The following NAT2 variants were observed in gnomAD, a reference collection of about 807,000 sequenced individuals.
NAT2 encodes the protein N-acetyltransferase 2.
For missense variants in NAT2, 428 were observed against 339.1 expected, an observed-to-expected ratio of 1.26 and a Z score of -2.06; for synonymous variants, 137 against 125.9, an observed-to-expected ratio of 1.09 and a Z score of -0.59.
At chr8:18,392,529 C>T (rs1800608247) in intron 1 of NAT2, among the ~76,000 whole-genome samples, 1 of 152,196 alleles carries the variant, frequency 6.6e-6, no homozygotes, top group African/African-American at 2.4e-5. Flanking sequence ...TTCATTCTGG[C>T]TGTGCTGGCA....
chr8:18,393,897 C>T (rs998824691), intron 1 of NAT2, among the ~76,000 whole-genome samples: 1 of 152,124 alleles, frequency 6.6e-6, no homozygotes, highest in African/African-American at 2.4e-5. Context: ...GTTTTTGAAA[C>T]ATAGTATTTC....
At position 18,400,982 on chromosome 8, in the gene NAT2, T is replaced by C. The variant is rs2117624252; in HGVS notation, c.*106T>C. 1 of 729,326 alleles carries C rather than the reference T, an allele frequency of 1.4e-6. No homozygotes were observed. Among genetic ancestry groups the C allele is most frequent in the Non-Finnish European group, 2.1e-6 (1 of 485,746 alleles). 45.2% of individuals were successfully genotyped at this position (729,326 alleles called of 1,614,324 possible). A position where few individuals can be genotyped will look rare whatever the true frequency, so the allele number is the denominator to read the frequency against. Reference sequence around the variant, plus strand: ...TACCCTCACGTTATTTTGAAGAAAATCCTAAACATCAAATACTTTCATCCA... The same window carrying C: ...TACCCTCACGTTATTTTGAAGAAAACCCTAAACATCAAATACTTTCATCCA... On this transcript the variant is annotated 3_prime_UTR_variant, in exon 2 of 2. Coordinates refer to ENST00000286479, the MANE Select transcript of NAT2 (RefSeq NM_000015.3).
chr8:18,386,580 C>T (rs28618290), upstream of NAT2, among the ~76,000 whole-genome samples: 775 of 152,288 alleles, frequency 5.1e-3, 7 homozygotes, highest in African/African-American at 0.018. Flanking sequence ...ATACACCCCA[C>T]CCCGGGGTTG....
At position 18,400,380 on chromosome 8, in the gene NAT2, G is replaced by T; in HGVS notation, c.377G>T (p.Gly126Val). The change falls in exon 2 of 2, where the codon GGA (glycine) becomes GTA (valine). Residue 126 changes from glycine (G) to valine (V), a missense_variant. By Grantham distance (109) the Gly-to-Val change is moderately radical. Transcript: ENST00000286479. ...GRNYIVDAGS[G>V]SSSQMWQPLE... ...AATTACATTGTCGATGCTGGGTCTGGAAGCTCCTCCCAGATGTGGCAGCCT... is the reference window on the plus strand; with the variant it reads ...AATTACATTGTCGATGCTGGGTCTGTAAGCTCCTCCCAGATGTGGCAGCCT... 6.2e-7 allele frequency: 1 copy of T among 1,612,216 alleles called. No homozygotes were observed. Among genetic ancestry groups the T allele is most frequent in the Non-Finnish European group, 8.5e-7 (1 of 1,179,344 alleles).
upstream of NAT2, among the ~76,000 whole-genome samples, chr8:18,389,365 C>T (rs978115227): frequency 6.6e-6 from 1 of 152,184 alleles, no homozygotes; most frequent in Admixed American, 6.5e-5. Context: ...AATTTTAATC[C>T]ATCTCTCTTC....
At position 18,396,426 on chromosome 8, in the gene NAT2, T is replaced by A. The variant is rs182973224; in HGVS notation, c.-6-3572T>A. ...AAAACAATCTTTAAAATCTAAAAAA[T>A]TTTTTTTTGTTCTTTTGAGACCGAA... On this transcript the variant is annotated intron_variant, in intron 1 of 1. Transcript: ENST00000286479. Among the ~76,000 whole-genome samples the A allele has an allele frequency of 7.2e-3, 1,097 of 151,528 alleles. 11 individuals carry two copies. Among genetic ancestry groups the A allele is most frequent in the South Asian group, 0.025 (118 of 4,816 alleles).
chr8:18,392,224 A>T (rs1172709976), intron 1 of NAT2, among the ~76,000 whole-genome samples: 1 of 152,208 alleles, frequency 6.6e-6, no homozygotes, highest in Non-Finnish European at 1.5e-5. Context: ...AACTAATAGG[A>T]TAGATGTATA....
chr8:18,394,659 A>G (rs1800652887), intron 1 of NAT2, among the ~76,000 whole-genome samples: 1 of 152,156 alleles, frequency 6.6e-6, no homozygotes, highest in African/African-American at 2.4e-5. Context: ...ATTACAGGCC[A>G]GAAACCTGTA....
At chr8:18,395,132 C>T (rs1290190210) in intron 1 of NAT2, among the ~76,000 whole-genome samples, 1 of 152,186 alleles carries the variant, frequency 6.6e-6, no homozygotes, top group Non-Finnish European at 1.5e-5. Flanking sequence ...GAGCAATCTT[C>T]ATGAACATAT....
At position 18,398,970 on chromosome 8, in the gene NAT2, G is replaced by A. The variant is rs45565736; in HGVS notation, c.-6-1028G>A. ...ACTTTGATTAGGCGAACACTGTTCCGCTTATAACCCTTCTCTCATCCTGTC... is the reference window on the plus strand; with the variant it reads ...ACTTTGATTAGGCGAACACTGTTCCACTTATAACCCTTCTCTCATCCTGTC... On this transcript the variant is annotated intron_variant, in intron 1 of 1. Transcript: ENST00000286479. Among the ~76,000 whole-genome samples, 821 of 152,280 alleles carry A rather than the reference G, an allele frequency of 5.4e-3. 4 individuals carry two copies. Among genetic ancestry groups the A allele is most frequent in the Middle Eastern group, 0.02 (6 of 294 alleles).
intron 1 of NAT2, among the ~76,000 whole-genome samples, chr8:18,397,650 AC>A (rs1173864744): frequency 1.3e-5 from 2 of 152,192 alleles, no homozygotes; most frequent in African/African-American, 4.8e-5. Context: ...CAAAACCAAA[AC>A]ATTGGTTAGA....
chr8:18,395,341 A>T (rs1280750969), intron 1 of NAT2, among the ~76,000 whole-genome samples: 1 of 152,164 alleles, frequency 6.6e-6, no homozygotes, highest in African/African-American at 2.4e-5. Flanking sequence ...ACACTTAACA[A>T]GGAAATTTGG....
rs1401624801 is a variant in NAT2 at position 18,397,399 on chromosome 8, GAA to G, written c.-6-2596_-6-2595del. Among the ~76,000 whole-genome samples the G allele has an allele frequency of 6.2e-4, 95 of 152,154 alleles. 1 individual carries two copies. The highest frequency in any genetic ancestry group is 2.2e-3 in the African/African-American group (92 of 41,542). ...TATTTGTGATAAGAGAGATTAAAAA[GAA>G]AAGAGAATTATTTTGTATGATAAAT... On this transcript the variant is annotated intron_variant, in intron 1 of 1. Transcript: ENST00000286479.
intron 1 of NAT2, among the ~76,000 whole-genome samples, chr8:18,399,532 G>A (rs1277199160): frequency 6.6e-6 from 1 of 152,160 alleles, no homozygotes; most frequent in Non-Finnish European, 1.5e-5. Context: ...TATATTTTTT[G>A]AGTGAGGAGC....
At chr8:18,393,509 A>G (rs1285642387) in intron 1 of NAT2, among the ~76,000 whole-genome samples, 2 of 152,172 alleles carry the variant, frequency 1.3e-5, no homozygotes, top group African/African-American at 4.8e-5. Flanking sequence ...AGTAGTCTAT[A>G]TATCTAGAAA....
chr8:18,395,053 A>G (rs1435063976), intron 1 of NAT2, among the ~76,000 whole-genome samples: 1 of 152,240 alleles, frequency 6.6e-6, no homozygotes, highest in African/African-American at 2.4e-5. Flanking sequence ...CAAAACCCAT[A>G]AAAAGATTAT....
intron 1 of NAT2, among the ~76,000 whole-genome samples, chr8:18,398,886 T>A (rs936547181): frequency 6.6e-6 from 1 of 152,200 alleles, no homozygotes; most frequent in African/African-American, 2.4e-5. Context: ...ATAGTTTATG[T>A]GACAGCCCAT....
At position 18,400,368 on chromosome 8, in the gene NAT2, A is replaced by T; in HGVS notation, c.365A>T (p.Asp122Val). 3 of 1,612,764 alleles carry T rather than the reference A, an allele frequency of 1.9e-6. No homozygotes were observed. Among genetic ancestry groups the T allele is most frequent in the South Asian group, 1.1e-5 (1 of 90,868 alleles). The change falls in exon 2 of 2, where the codon GAT becomes GTT. Residue 122 changes from aspartate to valine, a missense_variant. Physicochemically the swap from Asp to Val is radical, Grantham distance 152. Transcript: ENST00000286479. ...ATTGACGGCAGGAATTACATTGTCG[A>T]TGCTGGGTCTGGAAGCTCCTCCCAG... The part of the protein sequence containing the change: ...VTIDGRNYIV[D>V]AGSGSSSQMW...
intron 1 of NAT2, among the ~76,000 whole-genome samples, chr8:18,393,615 T>G (rs1385342786): frequency 6.6e-6 from 1 of 152,238 alleles, no homozygotes; most frequent in Non-Finnish European, 1.5e-5. Context: ...CCACTGAACT[T>G]TCTGAGAAGG....
Sources: allele counts gnomAD v4.1 joint callset (sites outside exome capture counted in the v4.1 genomes callset), GRCh38; gene constraint gnomAD v4.1.1; transcripts MANE v1.5; gene names NCBI Gene and HGNC (gene_info 2026-07-23, HGNC 2026-07-21).